Variants in HHAT observed in about 807,000 individuals in gnomAD.
The protein encoded by HHAT is protein-cysteine N-palmitoyltransferase HHAT.
HHAT carries 47 observed loss-of-function variants against 70.8 expected under a neutral mutation model. The ratio of observed to expected loss-of-function variants is 0.66; its 90% CI spans 0.53 to 0.85. The LOEUF is 0.85. Among genes scored for constraint, HHAT ranks in the 40% least tolerant of loss-of-function variants. The probability of loss-of-function intolerance (pLI) is 0.00; values close to 1 mark genes in which losing one functional copy is unlikely to be tolerated. For missense variants in HHAT, 609 were observed against 604.8 expected, an observed-to-expected ratio of 1.01 and a Z score of -0.07; for synonymous variants, 228 against 247.6, an observed-to-expected ratio of 0.92 and a Z score of 0.74.
chr1:210,397,785 A>G (rs776404935), intron 4 of HHAT, among the ~76,000 whole-genome samples: 2 of 152,188 alleles, frequency 1.3e-5, no homozygotes, highest in African/African-American at 2.4e-5. Context: ...CAGGCCGTCC[A>G]TGCTGCTGCC....
intron 6 of HHAT, among the ~76,000 whole-genome samples, chr1:210,405,471 A>G (rs1000217827): frequency 3.3e-5 from 5 of 152,182 alleles, no homozygotes; most frequent in African/African-American, 7.2e-5. Flanking sequence ...CAACAAAACA[A>G]TCCTCATAGA....
chr1:210,572,616 G>A (rs1202956471), intron 9 of HHAT, among the ~76,000 whole-genome samples: 2 of 152,150 alleles, frequency 1.3e-5, no homozygotes, highest in Admixed American at 6.5e-5. Flanking sequence ...TCCTTTGGCT[G>A]GGTTTTGTGG....
intron 10 of HHAT, among the ~76,000 whole-genome samples, chr1:210,616,185 T>C (rs1667690607): frequency 6.6e-6 from 1 of 152,152 alleles, no homozygotes; most frequent in Non-Finnish European, 1.5e-5. Flanking sequence ...TTTTCTGTGG[T>C]GACAACACTT....
chr1:210,524,538 A>G (rs1204707921), intron 9 of HHAT, among the ~76,000 whole-genome samples: 1 of 152,146 alleles, frequency 6.6e-6, no homozygotes, highest in East Asian at 1.9e-4. Flanking sequence ...CCAGTAGAGG[A>G]GCAAGGAGTC....
In HHAT at chr1:210,578,672, A is replaced by G. The variant is rs373790431; in HGVS notation, c.1044-9226A>G. The stretch of plus-strand genomic sequence containing the variant: ...AGAAGAAATTCCTGCCAGTTGCAAC[A>G]TCGTGAATGAACATGGAGAATATTC... On this transcript the variant is annotated intron_variant, in intron 9 of 11. Coordinates refer to ENST00000261458, the MANE Select transcript of HHAT (RefSeq NM_018194.6). 1.0e-4 allele frequency among the ~76,000 whole-genome samples: 16 copies of G among 152,388 alleles called. 1 individual carries two copies. The highest frequency in any genetic ancestry group is 3.8e-4 in the African/African-American group (16 of 41,598).
chr1:210,388,731 A>T (rs2091256577), intron 4 of HHAT, among the ~76,000 whole-genome samples: 1 of 151,736 alleles, frequency 6.6e-6, no homozygotes, highest in South Asian at 2.1e-4. Context: ...GGTTTTCTTT[A>T]CTCCCACAAA....
At chr1:210,505,482 C>T (rs1250038192) in intron 8 of HHAT, among the ~76,000 whole-genome samples, 3 of 152,152 alleles carry the variant, frequency 2.0e-5, no homozygotes, top group Non-Finnish European at 2.9e-5. Flanking sequence ...TCTCTGCTTC[C>T]GAATTAGTCA....
At chr1:210,601,603 T>C (rs114855560) in intron 10 of HHAT, among the ~76,000 whole-genome samples, 1,643 of 152,200 alleles carry the variant, frequency 0.011, 27 homozygotes, top group African/African-American at 0.034. Context: ...CTCAGCACCT[T>C]ATGTAGAAGA....
At chr1:210,635,158 G>A (rs1236492553) in intron 11 of HHAT, among the ~76,000 whole-genome samples, 1 of 140,582 alleles carries the variant, frequency 7.1e-6, no homozygotes, top group African/African-American at 2.6e-5. Flanking sequence ...GACATCAGAG[G>A]TGGGCTTAAT....
chr1:210,354,195 CTTTTTTTTT>C lies in HHAT; in HGVS notation c.91+5148_91+5156del, dbSNP rs71146220. ...ACAAATAGATAACTAAACATAATGT[CTTTTTTTTT>C]TTTTTTTTTTTTTTTTTTGAGACAG... On this transcript the variant is annotated intron_variant, in intron 2 of 11. Coordinates refer to ENST00000261458, the MANE Select transcript of HHAT (RefSeq NM_018194.6). Among the ~76,000 whole-genome samples the C allele has an allele frequency of 3.6e-3, 366 of 102,564 alleles. 2 individuals carry two copies. The highest frequency in any genetic ancestry group is 0.014 in the South Asian group (44 of 3,206). The allele number at this position is 102,564 out of a possible 152,430, so 67.3% of individuals were successfully genotyped here. A position where few individuals can be genotyped will look rare whatever the true frequency, so the allele number is the denominator to read the frequency against.
chr1:210,500,054 A>C (rs892678845), intron 8 of HHAT, among the ~76,000 whole-genome samples: 15 of 152,184 alleles, frequency 9.9e-5, no homozygotes, highest in African/African-American at 3.6e-4. Flanking sequence ...AAAAGGAGGG[A>C]AAGCCTGTGT....
At chr1:210,641,677 A>G (rs1233222526) in intron 11 of HHAT, among the ~76,000 whole-genome samples, 2 of 152,214 alleles carry the variant, frequency 1.3e-5, no homozygotes, top group African/African-American at 4.8e-5. Context: ...TCCTCAGGAA[A>G]TTCTAAGTGA....
intron 1 of HHAT, among the ~76,000 whole-genome samples, chr1:210,341,018 G>A (rs1558311933): frequency 6.6e-6 from 1 of 152,216 alleles, no homozygotes; most frequent in East Asian, 1.9e-4. Flanking sequence ...TCAAAGGTTT[G>A]TTATGAAGAT....
At chr1:210,350,545 ATTG>A (rs770439534) in intron 2 of HHAT, among the ~76,000 whole-genome samples, 2 of 152,194 alleles carry the variant, frequency 1.3e-5, no homozygotes, top group Non-Finnish European at 2.9e-5. Flanking sequence ...TGTAAATGAT[ATTG>A]TTTTAAATTT....
At chr1:210,659,176 T>G (rs1574061366) in intron 11 of HHAT, among the ~76,000 whole-genome samples, 1 of 152,030 alleles carries the variant, frequency 6.6e-6, no homozygotes, top group Non-Finnish European at 1.5e-5. Context: ...ATCAACAAAA[T>G]TGATAGGCCA....
At chr1:210,348,254 A>AT (rs1342049501) in intron 1 of HHAT, among the ~76,000 whole-genome samples, 1 of 152,010 alleles carries the variant, frequency 6.6e-6, no homozygotes, top group African/African-American at 2.4e-5. Context: ...CAGACAGCTG[A>AT]TTTTAAGTTT....
Position 210,635,533 on chromosome 1 carries a change from G to C in HHAT, c.1390+11863G>C, listed in dbSNP as rs146313802. On this transcript the variant is annotated intron_variant, in intron 11 of 11. Coordinates refer to ENST00000261458, the MANE Select transcript of HHAT (RefSeq NM_018194.6). ...ATCAGGGGGAGGCGGTGGGAAAGAT[G>C]ATGAGGCTGTCAGCTATGGCTGTCG... Among the ~76,000 whole-genome samples the C allele has an allele frequency of 3.7e-3, 556 of 152,292 alleles. 7 individuals carry two copies. Among genetic ancestry groups the C allele is most frequent in the African/African-American group, 0.013 (533 of 41,564 alleles).
intron 9 of HHAT, among the ~76,000 whole-genome samples, chr1:210,545,982 T>A (rs2095480003): frequency 6.6e-6 from 1 of 152,234 alleles, no homozygotes; most frequent in African/African-American, 2.4e-5. Flanking sequence ...TTTAACTATT[T>A]GTTGAAGATC....
intron 9 of HHAT, among the ~76,000 whole-genome samples, chr1:210,573,241 A>T (rs1244028631): frequency 6.6e-6 from 1 of 152,160 alleles, no homozygotes; most frequent in Non-Finnish European, 1.5e-5. Flanking sequence ...ATCAAAAACC[A>T]GGAAAGTGAC....
Sources: gnomAD v4.1 joint callset for allele counts (sites outside exome capture counted in the v4.1 genomes callset) on GRCh38, gnomAD v4.1.1 for gene constraint, MANE v1.5 for transcripts, NCBI Gene and HGNC (gene_info 2026-07-23, HGNC 2026-07-21) for gene names.